The following RIT2 variants were observed in gnomAD, a reference collection of about 807,000 sequenced individuals.
RIT2 encodes Ras like without CAAX 2, also known as GTP-binding protein Rit2.
RIT2 carries 24 observed loss-of-function variants against 23.7 expected under a neutral mutation model. The observed-to-expected ratio is 1.01, with a 90% CI of 0.73 to 1.43. The LOEUF is 1.43. RIT2 is among the 40% of genes most tolerant of loss of function. The probability of loss-of-function intolerance (pLI) is 0.00; values close to 1 mark genes in which losing one functional copy is unlikely to be tolerated. For synonymous variants in RIT2, 107 were observed against 91.1 expected (o/e 1.17, Z -0.99); for missense variants, 236 against 266.9 (o/e 0.88, Z 0.81).
chr18:42,814,284 AT>A (rs1296479960), intron 4 of RIT2, among the ~76,000 whole-genome samples: 4 of 152,178 alleles, frequency 2.6e-5, no homozygotes, highest in Admixed American at 2.6e-4. Flanking sequence ...AAGGAAAGCC[AT>A]ACTTGCTATT....
chr18:43,029,094 A>T (rs1456179018), intron 2 of RIT2, among the ~76,000 whole-genome samples: 1 of 152,020 alleles, frequency 6.6e-6, no homozygotes, highest in East Asian at 1.9e-4. Context: ...TTGTTTTTTA[A>T]GCTTCCCAAG....
chr18:42,764,241 C>T (rs1301684718), intron 4 of RIT2, among the ~76,000 whole-genome samples: 1 of 152,172 alleles, frequency 6.6e-6, no homozygotes, highest in Non-Finnish European at 1.5e-5. Flanking sequence ...GTTTTCTGAT[C>T]AGTAAGATCA....
At chr18:42,931,358 G>A (rs1909320312) in intron 3 of RIT2, among the ~76,000 whole-genome samples, 1 of 152,112 alleles carries the variant, frequency 6.6e-6, no homozygotes, top group South Asian at 2.1e-4. Flanking sequence ...TACATGTAAA[G>A]CCAGGTCTAG....
At chr18:42,950,899 CAAA>C (rs546311282) in intron 3 of RIT2, among the ~76,000 whole-genome samples, 1 of 129,826 alleles carries the variant, frequency 7.7e-6, no homozygotes. Context: ...ATTAAAACAT[CAAA>C]AAAAAAAAAA....
intron 1 of RIT2, among the ~76,000 whole-genome samples, chr18:43,064,112 T>C (rs1375068770): frequency 6.6e-6 from 1 of 152,164 alleles, no homozygotes. Context: ...GATAAAGTAA[T>C]AGATGGATGC....
Position 42,820,086 on chromosome 18 carries a change from G to A in RIT2, c.427-76366C>T, listed in dbSNP as rs1258294085. Among the ~76,000 whole-genome samples, 7 of 151,880 alleles carry A rather than the reference G, an allele frequency of 4.6e-5. 1 individual carries two copies. Among genetic ancestry groups the A allele is most frequent in the East Asian group, 1.9e-4 (1 of 5,180 alleles). On this transcript the variant is annotated intron_variant, in intron 4 of 4. Transcript: ENST00000326695. The stretch of plus-strand genomic sequence containing the variant: ...TCAGCACAGAACAAATTTAAGTTTC[G>A]CTTTTTGGAACTTCTGGAAATTATT...
intron 4 of RIT2, among the ~76,000 whole-genome samples, chr18:42,852,460 G>A (rs1158437481): frequency 6.6e-6 from 1 of 152,284 alleles, no homozygotes; most frequent in African/African-American, 2.4e-5. Context: ...ATGAGATTTA[G>A]GATGGGTTAA....
intron 3 of RIT2, among the ~76,000 whole-genome samples, chr18:42,939,848 T>C (rs1182002179): frequency 1.3e-5 from 2 of 151,996 alleles, no homozygotes; most frequent in Admixed American, 6.6e-5. Context: ...AAATACATCA[T>C]GTAAAAAAAT....
intron 3 of RIT2, among the ~76,000 whole-genome samples, chr18:42,949,272 G>C (rs1464809181): frequency 6.6e-6 from 1 of 152,056 alleles, no homozygotes; most frequent in East Asian, 1.9e-4. Context: ...GAATAAAGGA[G>C]TCAGTCTAAA....
intron 1 of RIT2, among the ~76,000 whole-genome samples, chr18:43,045,537 A>C (rs1342542785): frequency 6.6e-6 from 1 of 152,164 alleles, no homozygotes; most frequent in Non-Finnish European, 1.5e-5. Flanking sequence ...GCATTAAGGC[A>C]CCCGTGATTT....
chr18:42,831,233 T>A (rs1598672735), intron 4 of RIT2, among the ~76,000 whole-genome samples: 1 of 152,212 alleles, frequency 6.6e-6, no homozygotes, highest in African/African-American at 2.4e-5. Context: ...TCAAATAAAA[T>A]GAATTAAACA....
At chr18:42,817,002 C>T (rs1906017053) in intron 4 of RIT2, among the ~76,000 whole-genome samples, 1 of 152,074 alleles carries the variant, frequency 6.6e-6, no homozygotes, top group Non-Finnish European at 1.5e-5. Flanking sequence ...TCCCAACAAG[C>T]TTTCAGGGGG....
At chr18:42,785,259 C>T (rs1304804636) in intron 4 of RIT2, among the ~76,000 whole-genome samples, 3 of 152,030 alleles carry the variant, frequency 2.0e-5, no homozygotes, top group African/African-American at 2.4e-5. Context: ...GTTTCATTTG[C>T]ATAATGAAAT....
chr18:43,076,911 G>T (rs1374704943), intron 1 of RIT2, among the ~76,000 whole-genome samples: 1 of 151,510 alleles, frequency 6.6e-6, no homozygotes, highest in Non-Finnish European at 1.5e-5. Flanking sequence ...AGACCATCCC[G>T]GCTAAAACGG....
At chr18:43,098,329 G>T (rs937611695) in intron 1 of RIT2, among the ~76,000 whole-genome samples, 1 of 151,856 alleles carries the variant, frequency 6.6e-6, no homozygotes, top group African/African-American at 2.4e-5. Context: ...AGAACCAGGG[G>T]TTTAGAAATC....
At chr18:43,030,586 AT>A (rs532904156) in intron 2 of RIT2, among the ~76,000 whole-genome samples, 112 of 151,900 alleles carry the variant, frequency 7.4e-4, no homozygotes, top group Non-Finnish European at 1.4e-3. Context: ...AGTTTTCAAG[AT>A]TTTTTTTGGT....
chr18:43,030,973 A>C (rs2144280616), intron 2 of RIT2, among the ~76,000 whole-genome samples: 1 of 152,214 alleles, frequency 6.6e-6, no homozygotes, highest in South Asian at 2.1e-4. Flanking sequence ...AGAGTATAAG[A>C]CTGTAGGTAT....
chr18:42,792,660 C>T (rs900523898), intron 4 of RIT2, among the ~76,000 whole-genome samples: 3 of 152,090 alleles, frequency 2.0e-5, no homozygotes, highest in Admixed American at 1.3e-4. Context: ...ATAGATTGCA[C>T]GGTGTGTCGA....
At chr18:42,779,433 C>T (rs147928834) in intron 4 of RIT2, among the ~76,000 whole-genome samples, 4 of 152,256 alleles carry the variant, frequency 2.6e-5, no homozygotes, top group African/African-American at 7.2e-5. Flanking sequence ...TAACATCCTA[C>T]AGTGCTTTTC....
Sources: gnomAD v4.1 joint callset for allele counts (sites outside exome capture counted in the v4.1 genomes callset) on GRCh38, gnomAD v4.1.1 for gene constraint, MANE v1.5 for transcripts, NCBI Gene and HGNC (gene_info 2026-07-23, HGNC 2026-07-21) for gene names.